The following HDAC9 variants were observed in gnomAD, a reference collection of about 807,000 sequenced individuals.
HDAC9 encodes the protein MEF-2 interacting transcription repressor (MITR) protein.
In HDAC9, 41 loss-of-function variants were observed where a neutral mutation model predicts 139.4. That is an observed-to-expected ratio of 0.29 (90% confidence interval 0.23 to 0.38). The LOEUF (loss-of-function observed/expected upper bound fraction) is 0.38. Ranked by LOEUF, HDAC9 falls within the 10% of genes least tolerant of loss-of-function variation. The pLI, the probability that HDAC9 is intolerant of heterozygous loss-of-function variation, is 1.00. For synonymous variants in HDAC9, 517 were observed against 476.2 expected (o/e 1.09, Z -1.12); for missense variants, 1,147 against 1,297.0 (o/e 0.88, Z 1.78).
At chr7:18,116,681 ATCAACTCTATTATTCTAGGCAGATT>A (rs1369464854) in intron 1 of HDAC9, among the ~76,000 whole-genome samples, 2 of 152,152 alleles carry the variant, frequency 1.3e-5, no homozygotes, top group Admixed American at 1.3e-4. Context: ...GATTTAATAA[ATCAACTCTATTATTCTAGGCAGATT>A]TCATAGCCTA....
intron 1 of HDAC9, among the ~76,000 whole-genome samples, chr7:18,138,976 C>G (rs1785676120): frequency 6.6e-6 from 1 of 152,088 alleles, no homozygotes; most frequent in Non-Finnish European, 1.5e-5. Context: ...TTCTAGTAAT[C>G]TTCCATTTCT....
chr7:18,223,866 C>T (rs1387092034), intron 2 of HDAC9, among the ~76,000 whole-genome samples: 4 of 152,034 alleles, frequency 2.6e-5, no homozygotes, highest in African/African-American at 9.7e-5. Context: ...AAACTTCTCT[C>T]GACTATTCAC....
chr7:18,676,440 A>G (rs1781517087), intron 12 of HDAC9, among the ~76,000 whole-genome samples: 1 of 151,904 alleles, frequency 6.6e-6, no homozygotes, highest in African/African-American at 2.4e-5. Flanking sequence ...ATTTGACTGC[A>G]TAATTTTGCA....
Position 18,558,089 on chromosome 7 carries a change from G to A in HDAC9, c.23-27192G>A, listed in dbSNP as rs996671860. 5.3e-5 allele frequency among the ~76,000 whole-genome samples: 8 copies of A among 152,170 alleles called. 1 individual carries two copies. Among genetic ancestry groups the A allele is most frequent in the Admixed American group, 2.6e-4 (4 of 15,282 alleles). On this transcript the variant is annotated intron_variant, in intron 2 of 25. Coordinates refer to ENST00000686413, the MANE Select transcript of HDAC9 (RefSeq NM_178425.4). ...TTAAAAAGGGCCCCCAAACAAGACAGGGCTAATAAACCAGTTATAGGATAC... is the reference window on the plus strand; with the variant it reads ...TTAAAAAGGGCCCCCAAACAAGACAAGGCTAATAAACCAGTTATAGGATAC...
At chr7:18,235,308 G>T (rs1050529413) in intron 2 of HDAC9, among the ~76,000 whole-genome samples, 1 of 151,918 alleles carries the variant, frequency 6.6e-6, no homozygotes, top group East Asian at 1.9e-4. Flanking sequence ...ATATACCTCC[G>T]AGAGACCCAG....
intron 2 of HDAC9, among the ~76,000 whole-genome samples, chr7:18,263,214 C>G (rs1473231669): frequency 6.6e-6 from 1 of 152,096 alleles, no homozygotes; most frequent in Non-Finnish European, 1.5e-5. Context: ...GCTGACTACA[C>G]TAATATCAGT....
chr7:18,925,691 A>G (rs1279160400), intron 22 of HDAC9, among the ~76,000 whole-genome samples: 2 of 151,950 alleles, frequency 1.3e-5, no homozygotes, highest in Admixed American at 6.6e-5. Flanking sequence ...GTGGCCAGAA[A>G]GACTTGAGCC....
At chr7:18,690,151 C>G (rs907159169) in intron 12 of HDAC9, among the ~76,000 whole-genome samples, 1 of 151,866 alleles carries the variant, frequency 6.6e-6, no homozygotes, top group African/African-American at 2.4e-5. Context: ...TTGCAAGAGC[C>G]CCCTCATCTG....
intron 8 of HDAC9, among the ~76,000 whole-genome samples, chr7:18,643,385 A>C (rs1357874605): frequency 6.6e-6 from 1 of 152,158 alleles, no homozygotes; most frequent in Non-Finnish European, 1.5e-5. Flanking sequence ...TCATGCACAA[A>C]TATCTGACAT....
chr7:18,584,117 C>T (rs1227255445), intron 2 of HDAC9, among the ~76,000 whole-genome samples: 1 of 148,316 alleles, frequency 6.7e-6, no homozygotes, highest in East Asian at 2.0e-4. Context: ...CCTGCTTAAA[C>T]TATTCCTTTA....
intron 16 of HDAC9, among the ~76,000 whole-genome samples, chr7:18,778,092 C>T (rs201814901): frequency 1.3e-5 from 2 of 151,854 alleles, no homozygotes; most frequent in East Asian, 3.9e-4. Context: ...GATTCCCAAG[C>T]TTTTAACCAC....
chr7:18,338,252 T>C (rs1259249832), intron 1 of HDAC9, among the ~76,000 whole-genome samples: 2 of 151,826 alleles, frequency 1.3e-5, no homozygotes, highest in African/African-American at 4.8e-5. Flanking sequence ...AATGTTGCAG[T>C]GGGTGGTAAA....
intron 2 of HDAC9, chr7:18,509,495 GTATT>G (rs1800807973): frequency 2.2e-5 from 21 of 949,030 alleles, no homozygotes; most frequent in Non-Finnish European, 2.3e-5. Flanking sequence ...CATTCAATCA[GTATT>G]TATTGAGTCC....
chr7:18,942,622 A>G (rs1375214026), intron 23 of HDAC9, among the ~76,000 whole-genome samples: 3 of 152,034 alleles, frequency 2.0e-5, no homozygotes, highest in African/African-American at 7.2e-5. Context: ...ACTATTAGCA[A>G]TTTTCCCAGA....
At chr7:18,471,686 T>G (rs1264163771) in intron 1 of HDAC9, among the ~76,000 whole-genome samples, 1 of 152,196 alleles carries the variant, frequency 6.6e-6, no homozygotes, top group East Asian at 1.9e-4. Flanking sequence ...GCACATGCTG[T>G]TCTGTGTGCC....
chr7:18,506,035 A>G (rs1799678708), intron 2 of HDAC9: 1 of 152,192 alleles, frequency 6.6e-6, no homozygotes, highest in Non-Finnish European at 1.5e-5. Flanking sequence ...CACTGGAATG[A>G]TTATTTATAG....
At chr7:18,818,859 C>T (rs564943207) in intron 17 of HDAC9, among the ~76,000 whole-genome samples, 18 of 152,180 alleles carry the variant, frequency 1.2e-4, no homozygotes, top group African/African-American at 2.9e-4. Context: ...TGGAAATATA[C>T]GTTTCTGTTG....
intron 1 of HDAC9, among the ~76,000 whole-genome samples, chr7:18,133,117 A>G (rs1785135469): frequency 6.6e-6 from 1 of 152,110 alleles, no homozygotes; most frequent in Non-Finnish European, 1.5e-5. Context: ...CCCTCAGCTC[A>G]CCATCCTTAG....
Position 18,998,021 on chromosome 7 carries a change from T to C in HDAC9, c.*1959T>C, listed in dbSNP as rs758723388. On this transcript the variant is annotated 3_prime_UTR_variant, in exon 26 of 26. Coordinates refer to ENST00000686413, the MANE Select transcript of HDAC9 (RefSeq NM_178425.4). ...AAATTTTATTTTCATGAGAAATTCA[T>C]ACCAATCATATTTGCTAGCTTATGT... is the stretch of plus-strand genomic sequence containing the variant. 2 of 152,188 alleles carry C rather than the reference T, an allele frequency of 1.3e-5. No homozygotes were observed. The highest frequency in any genetic ancestry group is 2.9e-5 in the Non-Finnish European group (2 of 68,008). The allele number at this position is 152,188 out of a possible 1,614,324, so 9.4% of individuals were successfully genotyped here.
Sources: allele counts gnomAD v4.1 joint callset (sites outside exome capture counted in the v4.1 genomes callset), GRCh38; gene constraint gnomAD v4.1.1; transcripts MANE v1.5; gene names NCBI Gene and HGNC (gene_info 2026-07-23, HGNC 2026-07-21).